The following CNTN4 variants were observed in gnomAD, a reference collection of about 807,000 sequenced individuals.
The protein encoded by CNTN4 is contactin-4.
In CNTN4, 77 loss-of-function variants were observed where a neutral mutation model predicts 122.5. The observed-to-expected ratio is 0.63, with a 90% CI of 0.52 to 0.76. CNTN4 has a LOEUF of 0.76. CNTN4 is among the 30% of genes least tolerant of loss of function. The pLI is 0.00. For missense variants in CNTN4, 1,256 were observed against 1,259.1 expected, an observed-to-expected ratio of 1.00 and a Z score of 0.04; for synonymous variants, 512 against 447.0, an observed-to-expected ratio of 1.15 and a Z score of -1.83.
rs571737915 is a variant in CNTN4, at chr3:2,781,889, A to C, written c.358+36192A>C. The stretch of plus-strand genomic sequence containing the variant: ...GCAGGCGCCCGCACCACGCCCGGCT[A>C]ATTTTTTGTATTTTTAGTAGAGACG... On this transcript the variant is annotated intron_variant, in intron 6 of 24. Transcript: ENST00000418658. Among the ~76,000 whole-genome samples the C allele has an allele frequency of 1.6e-3, 106 of 65,648 alleles. 4 individuals are homozygous for C. Among genetic ancestry groups the C allele is most frequent in the East Asian group, 0.01 (7 of 674 alleles). The allele number at this position is 65,648 out of a possible 152,430, so 43.1% of individuals were successfully genotyped here. A position where few individuals can be genotyped will look rare whatever the true frequency, so the allele number is the denominator to read the frequency against.
intron 4 of CNTN4, among the ~76,000 whole-genome samples, chr3:2,622,372 A>C (rs560513184): frequency 6.6e-6 from 1 of 152,304 alleles, no homozygotes; most frequent in East Asian, 1.9e-4. Context: ...GCTCACTGCA[A>C]CTTCTGCCAC....
intron 14 of CNTN4, among the ~76,000 whole-genome samples, chr3:3,009,590 C>T (rs1450982776): frequency 2.9e-4 from 21 of 72,542 alleles, no homozygotes; most frequent in South Asian, 2.6e-3. Context: ...CCCGCCACCA[C>T]GCCCGGCTAA....
At chr3:2,993,947 A>T (rs922747688) in intron 14 of CNTN4, among the ~76,000 whole-genome samples, 6 of 152,210 alleles carry the variant, frequency 3.9e-5, no homozygotes, top group Non-Finnish European at 4.4e-5. Context: ...GAAAATCCAG[A>T]GGAGAGATAA....
chr3:2,256,230 G>T (rs770498335), intron 2 of CNTN4, among the ~76,000 whole-genome samples: 6 of 152,084 alleles, frequency 3.9e-5, no homozygotes, highest in Non-Finnish European at 7.4e-5. Context: ...ACCCTCCCAA[G>T]ACTAAACCAG....
At chr3:2,420,842 G>C (rs6784640) in intron 3 of CNTN4, among the ~76,000 whole-genome samples, 1 of 151,930 alleles carries the variant, frequency 6.6e-6, no homozygotes, top group Non-Finnish European at 1.5e-5. Flanking sequence ...GTCTGCTTCT[G>C]TGATTAACGT....
chr3:2,560,947 T>C (rs2078924802), intron 3 of CNTN4, among the ~76,000 whole-genome samples: 1 of 152,222 alleles, frequency 6.6e-6, no homozygotes, highest in Non-Finnish European at 1.5e-5. Flanking sequence ...AAATCTTATT[T>C]CTGCTTCTGA....
At position 2,745,493 on chromosome 3, in the gene CNTN4, C is replaced by G. The variant is rs781716347; in HGVS notation, c.183-29C>G. On this transcript the variant is annotated intron_variant, in intron 5 of 24. Transcript: ENST00000418658. The stretch of plus-strand genomic sequence containing the variant: ...AGAAATATTGATTAATATGACAAGA[C>G]TTTATCTACTGGCATTTTTATACTA... 9 of 1,566,154 alleles carry G rather than the reference C, an allele frequency of 5.7e-6. No individual in the cohort carries two copies. The South Asian group carries it at 7.8e-5, about 14-fold the overall frequency.
intron 2 of CNTN4, among the ~76,000 whole-genome samples, chr3:2,239,238 T>G (rs2039828790): frequency 6.6e-6 from 1 of 152,212 alleles, no homozygotes; most frequent in Admixed American, 6.5e-5. Flanking sequence ...GTTACGCAGT[T>G]GCCGATAATC....
intron 4 of CNTN4, among the ~76,000 whole-genome samples, chr3:2,604,322 A>G (rs1214100258): frequency 6.6e-6 from 1 of 152,142 alleles, no homozygotes; most frequent in African/African-American, 2.4e-5. Flanking sequence ...TGTGTATCCT[A>G]GTCACCAGAG....
intron 2 of CNTN4, among the ~76,000 whole-genome samples, chr3:2,272,001 AC>A (rs2041317994): frequency 1.3e-5 from 2 of 152,174 alleles, no homozygotes; most frequent in Admixed American, 1.3e-4. Context: ...AAGTAAAAAA[AC>A]AGGTTAGCAG....
intron 4 of CNTN4, among the ~76,000 whole-genome samples, chr3:2,728,250 C>T (rs1027157747): frequency 1.2e-4 from 19 of 152,154 alleles, no homozygotes; most frequent in African/African-American, 1.9e-4. Context: ...ATTGCCCATA[C>T]GTTTTATGAG....
chr3:2,723,536 G>A (rs762923357), intron 4 of CNTN4, among the ~76,000 whole-genome samples: 6 of 152,172 alleles, frequency 3.9e-5, no homozygotes, highest in Non-Finnish European at 8.8e-5. Context: ...CTCCAGAGGG[G>A]ATGAAGGCTG....
In CNTN4 at chr3:3,042,385, C is replaced by A. The variant is rs1700242703; in HGVS notation, c.2474C>A (p.Pro825Gln). Residue 825 changes from proline (P) to glutamine (Q), a missense_variant, in exon 21 of 25, where the codon CCA becomes CAA. Coordinates refer to ENST00000418658, the MANE Select transcript of CNTN4 (RefSeq NM_175607.3). ...GATATTGAAGTTTTCTGGGCCTCCC[C>A]ACTGGAGAAGAATAGAGGACGAATA... ...ATDIEVFWASPLEKNRGRIQG... is the reference protein window; with the variant it reads ...ATDIEVFWASQLEKNRGRIQG... 1 of 1,613,800 alleles carries A rather than the reference C, an allele frequency of 6.2e-7. No homozygotes were observed. Among genetic ancestry groups the A allele is most frequent in the East Asian group, 2.2e-5 (1 of 44,870 alleles).
At chr3:2,441,162 G>A (rs746123326) in intron 3 of CNTN4, among the ~76,000 whole-genome samples, 21 of 151,894 alleles carry the variant, frequency 1.4e-4, no homozygotes, top group Admixed American at 1.3e-4. Context: ...TGTCACTAAA[G>A]ACAAAATGAG....
At chr3:2,631,538 G>C (rs1052725360) in intron 4 of CNTN4, among the ~76,000 whole-genome samples, 8 of 151,918 alleles carry the variant, frequency 5.3e-5, no homozygotes, top group African/African-American at 1.9e-4. Context: ...TCCACCATCT[G>C]GTTCTATACC....
intron 15 of CNTN4, among the ~76,000 whole-genome samples, chr3:3,027,096 C>T (rs73808819): frequency 0.085 from 12,886 of 152,170 alleles, 628 homozygotes; most frequent in Admixed American, 0.11. Flanking sequence ...ACCCCCTTTA[C>T]GTTGAGAATA....
chr3:2,803,940 G>C (rs1479049840), intron 6 of CNTN4, among the ~76,000 whole-genome samples: 1 of 151,984 alleles, frequency 6.6e-6, no homozygotes, highest in African/African-American at 2.4e-5. Context: ...AGTCTCAAAG[G>C]AATCATGTTG....
intron 2 of CNTN4, among the ~76,000 whole-genome samples, chr3:2,138,502 T>G (rs1574918862): frequency 6.6e-6 from 1 of 152,290 alleles, no homozygotes; most frequent in East Asian, 1.9e-4. Flanking sequence ...TTCTGGGTGT[T>G]TCTGTGAAGG....
At chr3:2,981,376 G>GCA in intron 13 of CNTN4, among the ~76,000 whole-genome samples, 2 of 151,740 alleles carry the variant, frequency 1.3e-5, no homozygotes, top group African/African-American at 2.4e-5. Context: ...CCCAGGAGTT[G>GCA]GAGCTTGCAG....
Sources: allele counts gnomAD v4.1 joint callset (sites outside exome capture counted in the v4.1 genomes callset), GRCh38; gene constraint gnomAD v4.1.1; transcripts MANE v1.5; gene names NCBI Gene and HGNC (gene_info 2026-07-23, HGNC 2026-07-21).